DNASE1: variants seen among roughly 807,000 people sequenced by gnomAD.
The protein encoded by DNASE1 is deoxyribonuclease-1.
DNASE1 carries 40 observed loss-of-function variants against 33.9 expected under a neutral mutation model. That is an observed-to-expected ratio of 1.18 (90% CI 0.92 to 1.54). The LOEUF (loss-of-function observed/expected upper bound fraction) is 1.54. DNASE1 is among the 40% of genes most tolerant of loss of function. The pLI, the probability that DNASE1 is intolerant of heterozygous loss-of-function variation, is 0.00. For missense variants in DNASE1, 518 were observed against 372.6 expected, an observed-to-expected ratio of 1.39 and a Z score of -3.21; for synonymous variants, 216 against 160.0, an observed-to-expected ratio of 1.35 and a Z score of -2.64.
At chr16:3,615,939 TC>T (rs2041086396) in intron 1 of DNASE1, among the ~76,000 whole-genome samples, 1 of 152,222 alleles carries the variant, frequency 6.6e-6, no homozygotes, top group South Asian at 2.1e-4. Flanking sequence ...CACCTCCCTC[TC>T]CTTTATCTTG....
intron 1 of DNASE1, among the ~76,000 whole-genome samples, chr16:3,630,254 C>T (rs373469751): frequency 1.2e-4 from 18 of 151,970 alleles, no homozygotes; most frequent in Non-Finnish European, 2.4e-4. Flanking sequence ...GATCACAGCT[C>T]GCTGCAGCCT....
intron 1 of DNASE1, among the ~76,000 whole-genome samples, chr16:3,646,220 G>T (rs758124286): frequency 2.0e-5 from 3 of 152,260 alleles, no homozygotes; most frequent in Non-Finnish European, 2.9e-5. Context: ...TCTCTGGGGG[G>T]GGTCTGCGGG....
chr16:3,628,389 A>AG (rs2041587142), intron 1 of DNASE1, among the ~76,000 whole-genome samples: 1 of 151,878 alleles, frequency 6.6e-6, no homozygotes, highest in African/African-American at 2.4e-5. Flanking sequence ...AATTAATTTT[A>AG]CTTTTTTCTT....
Position 3,664,284 on chromosome 16 carries a change from T to G in DNASE1, c.*6331T>G, listed in dbSNP as rs1476391501. ...CCACCGCTCACCCACCTCTGTGTCT[T>G]TCTTCTTCATGGCCTCATAGTAGGG... On this transcript the variant is annotated 3_prime_UTR_variant, in exon 10 of 10. Transcript: ENST00000407479. 3.8e-6 allele frequency: 6 copies of G among 1,594,520 alleles called. No individual in the cohort carries two copies. Among genetic ancestry groups the G allele is most frequent in the East Asian group, 2.2e-5 (1 of 44,564 alleles).
At chr16:3,630,630 G>T (rs963978320) in intron 1 of DNASE1, among the ~76,000 whole-genome samples, 2 of 151,518 alleles carry the variant, frequency 1.3e-5, no homozygotes, top group Non-Finnish European at 2.9e-5. Context: ...AGTCTCTTTT[G>T]TCTTATAGTA....
chr16:3,642,328 C>T (rs532361709), upstream of DNASE1, among the ~76,000 whole-genome samples: 53 of 152,352 alleles, frequency 3.5e-4, 1 homozygote, highest in Non-Finnish European at 3.8e-4. Flanking sequence ...CTGTGTCACC[C>T]GTAGTTACTC....
At chr16:3,664,922 G>C (rs1004694089) in exon 10 of DNASE1, 1 of 158,778 alleles carries the variant, frequency 6.3e-6, no homozygotes, top group East Asian at 1.9e-4. Context: ...GGGCCCTTAG[G>C]GGAGGGGTTT....
intron 1 of DNASE1, among the ~76,000 whole-genome samples, chr16:3,617,710 C>T (rs551282238): frequency 1.3e-5 from 2 of 152,142 alleles, no homozygotes; most frequent in Admixed American, 6.5e-5. Context: ...CTTTGGAAGG[C>T]GGAGGCGGGA....
At position 3,655,431 on chromosome 16, in the gene DNASE1, G is replaced by C. The variant is rs755459254; in HGVS notation, c.58G>C (p.Ala20Pro). 3 of 1,614,110 alleles carry C rather than the reference G, an allele frequency of 1.9e-6. 1 individual carries two copies. The highest frequency in any genetic ancestry group is 2.2e-5 in the South Asian group (2 of 91,088). ...LLALAALLQG[A>P]VSLKIAAFNI... is the part of the protein sequence containing the mutation. Reference sequence around the variant, plus strand: ...GGCACTGGCGGCCCTACTGCAGGGGGCCGTGTCCCTGAAGATCGCAGCCTT... The same window carrying C: ...GGCACTGGCGGCCCTACTGCAGGGGCCCGTGTCCCTGAAGATCGCAGCCTT... The change falls in exon 2 of 9, where the codon GCC becomes CCC. Residue 20 changes from alanine (A) to proline (P), a missense_variant. Ala to Pro is a conservative substitution (Grantham distance 27). Transcript: ENST00000246949.
Position 3,656,094 on chromosome 16 carries a change from C to T in DNASE1, c.237-8C>T. On this transcript the variant is annotated splice_polypyrimidine_tract_variant and splice_region_variant and intron_variant, in intron 3 of 8. Coordinates refer to ENST00000246949, the MANE Select transcript of DNASE1 (RefSeq NM_005223.4). Reference sequence around the variant, plus strand: ...CCGCCACTGGGACCTTTTGTTTCTTCAATCCAGGGATGCACCAGACACCTA... The same window carrying T: ...CCGCCACTGGGACCTTTTGTTTCTTTAATCCAGGGATGCACCAGACACCTA... The T allele has an allele frequency of 6.2e-7, 1 of 1,614,078 alleles. No homozygotes were observed. Among genetic ancestry groups the T allele is most frequent in the South Asian group, 1.1e-5 (1 of 91,086 alleles).
intron 1 of DNASE1, among the ~76,000 whole-genome samples, chr16:3,612,405 C>T (rs1009955617): frequency 6.6e-6 from 1 of 152,052 alleles, no homozygotes; most frequent in African/African-American, 2.4e-5. Context: ...CGCCAGTCAC[C>T]ACGCCCAGCT....
upstream of DNASE1, among the ~76,000 whole-genome samples, chr16:3,638,690 A>G (rs556038034): frequency 4.6e-5 from 7 of 152,308 alleles, no homozygotes; most frequent in South Asian, 1.2e-3. Flanking sequence ...AGTTTTCATC[A>G]TATTTGGGAA....
At chr16:3,639,865 C>G (rs1208205028), upstream of DNASE1, among the ~76,000 whole-genome samples, 1 of 152,156 alleles carries the variant, frequency 6.6e-6, no homozygotes, top group Non-Finnish European at 1.5e-5. Context: ...AGTTCAAGAC[C>G]AGCCTGGGCA....
intron 5 of DNASE1, 92 bp from the exon 6 acceptor site, chr16:3,656,907 G>A (rs950483222): frequency 4.8e-5 from 74 of 1,555,820 alleles, no homozygotes; most frequent in South Asian, 4.3e-4. Flanking sequence ...TCCACCCCCC[G>A]GGGGGACTGT....
intron 1 of DNASE1, among the ~76,000 whole-genome samples, chr16:3,648,587 C>A (rs1446636103): frequency 6.6e-6 from 1 of 152,064 alleles, no homozygotes; most frequent in African/African-American, 2.4e-5. Context: ...CGCCACTGCA[C>A]TCCAGCCTAG....
At chr16:3,664,258 C>G in exon 10 of DNASE1, 2 of 1,557,490 alleles carry the variant, frequency 1.3e-6, no homozygotes, top group Non-Finnish European at 1.7e-6. Context: ...GCCCGCCCCA[C>G]CCACCGCTCA....
At chr16:3,630,679 A>G (rs58483252) in intron 1 of DNASE1, among the ~76,000 whole-genome samples, 1 of 151,624 alleles carries the variant, frequency 6.6e-6, no homozygotes, top group Non-Finnish European at 1.5e-5. Flanking sequence ...TTTGCATGGA[A>G]TATGTTTTTC....
rs2042501003 is a variant in DNASE1 at position 3,654,974 on chromosome 16, T to C, written c.-72T>C. 2 of 457,844 alleles carry C rather than the reference T, an allele frequency of 4.4e-6. No individual in the cohort carries two copies. Among genetic ancestry groups the C allele is most frequent in the Non-Finnish European group, 7.6e-6 (2 of 261,898 alleles). The allele number at this position is 457,844 out of a possible 1,614,324, so 28.4% of individuals were successfully genotyped here. A position where few individuals can be genotyped will look rare whatever the true frequency, so the allele number is the denominator to read the frequency against. On this transcript the variant is annotated 5_prime_UTR_variant, in exon 1 of 9. Coordinates refer to ENST00000246949, the MANE Select transcript of DNASE1 (RefSeq NM_005223.4). ...TTCTTTAAGCAGCAAAAGGAGAAAA[T>C]TGTCATCAAAGGATATTCCAGATTC... is the stretch of plus-strand genomic sequence containing the variant.
chr16:3,658,597 C>CG, downstream of DNASE1: 1 of 594,170 alleles, frequency 1.7e-6, no homozygotes, highest in Non-Finnish European at 3.0e-6. Flanking sequence ...TGCTTGAACC[C>CG]GGGAGGCAGA....
Sources: gnomAD v4.1 joint callset for allele counts (sites outside exome capture counted in the v4.1 genomes callset) on GRCh38, gnomAD v4.1.1 for gene constraint, MANE v1.5 for transcripts, NCBI Gene and HGNC (gene_info 2026-07-23, HGNC 2026-07-21) for gene names.